HMG20A: variants seen among roughly 807,000 people sequenced by gnomAD.
The protein encoded by HMG20A is high mobility group 20A, also known as high mobility group protein 20A.
A neutral mutation model predicts 43.9 loss-of-function variants in HMG20A; 17 were observed. That is an observed-to-expected ratio of 0.39 (90% CI 0.27 to 0.58). The LOEUF is 0.58. HMG20A is among the 20% of genes least tolerant of loss of function. The pLI, the probability that HMG20A is intolerant of heterozygous loss-of-function variation, is 0.59. For missense variants in HMG20A, 341 were observed against 438.2 expected (o/e 0.78, Z 1.98); for synonymous variants, 132 against 147.5 (o/e 0.89, Z 0.76).
At chr15:77,498,954 C>A in the HMG20A span, among the ~76,000 whole-genome samples, 1 of 152,152 alleles carries the variant, frequency 6.6e-6, no homozygotes, top group Non-Finnish European at 1.5e-5. Context: ...TTCCTTCCAC[C>A]TTTATTGGCT....
intron 1 of HMG20A, among the ~76,000 whole-genome samples, chr15:77,422,689 TA>T (rs909171575): frequency 3.4e-4 from 51 of 151,226 alleles, no homozygotes; most frequent in African/African-American, 1.1e-3. Flanking sequence ...AATATTACAG[TA>T]AAAAAAAATA....
intron 6 of HMG20A, among the ~76,000 whole-genome samples, chr15:77,476,412 G>T (rs2072855759): frequency 6.8e-6 from 1 of 146,696 alleles, no homozygotes; most frequent in African/African-American, 2.5e-5. Flanking sequence ...TTGAACCTGG[G>T]AGACAGAGGT....
At chr15:77,447,378 A>G (rs1005855316) in intron 1 of HMG20A, among the ~76,000 whole-genome samples, 3 of 152,146 alleles carry the variant, frequency 2.0e-5, no homozygotes, top group African/African-American at 7.2e-5. Context: ...CTGATACAAA[A>G]TACTATTCTT....
At chr15:77,497,676 AGAGAGAGT>A in the HMG20A span, among the ~76,000 whole-genome samples, 21 of 128,944 alleles carry the variant, frequency 1.6e-4, no homozygotes, top group African/African-American at 3.0e-4. Context: ...AGAGAGAGAG[AGAGAGAGT>A]GTGTGTGTGT....
chr15:77,487,200 C>T (rs2072949932), downstream of HMG20A, among the ~76,000 whole-genome samples: 1 of 152,184 alleles, frequency 6.6e-6, no homozygotes, highest in African/African-American at 2.4e-5. Flanking sequence ...TTGGCCAGAA[C>T]TCAATCATGT....
chr15:77,443,143 C>G (rs963180334), intron 1 of HMG20A, among the ~76,000 whole-genome samples: 1 of 150,076 alleles, frequency 6.7e-6, no homozygotes, highest in Non-Finnish European at 1.5e-5. Flanking sequence ...AGCGATTCTC[C>G]TTCCTCAGCC....
chr15:77,497,210 A>G, the HMG20A span, among the ~76,000 whole-genome samples: 2 of 152,222 alleles, frequency 1.3e-5, no homozygotes, highest in Non-Finnish European at 2.9e-5. Context: ...GCCAGAAATC[A>G]TGAGGATTTA....
At position 77,478,397 on chromosome 15, in the gene HMG20A, A is replaced by G. The variant is rs754350269; in HGVS notation, c.794A>G (p.Glu265Gly). 1.6e-5 allele frequency: 26 copies of G among 1,613,464 alleles called. No individual in the cohort carries two copies. In the African/African-American group the frequency reaches 2.7e-4, roughly 17 times the overall value. ...GTGGAGAGCATGCGCACAGCAGTGG[A>G]GAAGCTGGAGGTGGATGTGATCCAG... Reference protein sequence around the residue: ...KHVESMRTAVEKLEVDVIQER... With the variant: ...KHVESMRTAVGKLEVDVIQER... The change falls in exon 8 of 10, where the codon GAG (glutamate) becomes GGG (glycine). Residue 265 changes from glutamate (E) to glycine (G), a missense_variant. Physicochemically the swap from Glu to Gly is moderately conservative, Grantham distance 98. Transcript: ENST00000336216.
intron 1 of HMG20A, among the ~76,000 whole-genome samples, chr15:77,450,229 G>A (rs746998000): frequency 4.0e-5 from 6 of 151,718 alleles, no homozygotes; most frequent in East Asian, 3.9e-4. Flanking sequence ...TCCAGGGTTC[G>A]CGCCATTCTC....
chr15:77,488,563 A>G (rs2072957239), downstream of HMG20A, among the ~76,000 whole-genome samples: 1 of 152,226 alleles, frequency 6.6e-6, no homozygotes, highest in African/African-American at 2.4e-5. Context: ...GGGGATCAGT[A>G]TCTTAACTAA....
chr15:77,448,431 T>TA (rs746712348), intron 1 of HMG20A, among the ~76,000 whole-genome samples: 1 of 152,176 alleles, frequency 6.6e-6, no homozygotes, highest in Non-Finnish European at 1.5e-5. Flanking sequence ...CATACATGCA[T>TA]AGTTCTTTCA....
chr15:77,517,707 C>T, the HMG20A span, among the ~76,000 whole-genome samples: 1 of 151,878 alleles, frequency 6.6e-6, no homozygotes, highest in Non-Finnish European at 1.5e-5. Context: ...CTGTGGGCGA[C>T]GGCATTTGAG....
chr15:77,520,017 G>A, the HMG20A span, among the ~76,000 whole-genome samples: 1 of 152,112 alleles, frequency 6.6e-6, no homozygotes, highest in Non-Finnish European at 1.5e-5. Context: ...TGGCTAACAT[G>A]GTGAAACCCC....
chr15:77,449,778 A>G (rs981841258), intron 1 of HMG20A, among the ~76,000 whole-genome samples: 3 of 152,186 alleles, frequency 2.0e-5, no homozygotes, highest in Non-Finnish European at 4.4e-5. Context: ...AGAATGCTAC[A>G]TCTGTTACAA....
chr15:77,435,020 TC>T (rs2142282694), intron 1 of HMG20A, among the ~76,000 whole-genome samples: 1 of 152,258 alleles, frequency 6.6e-6, no homozygotes, highest in South Asian at 2.1e-4. Context: ...ACATGGATGA[TC>T]ACCAAGCATA....
intron 1 of HMG20A, among the ~76,000 whole-genome samples, chr15:77,425,735 T>G (rs2073420033): frequency 6.6e-6 from 1 of 152,174 alleles, no homozygotes; most frequent in Admixed American, 6.5e-5. Context: ...ACCAAATAGA[T>G]TTTTATATCA....
intron 1 of HMG20A, among the ~76,000 whole-genome samples, chr15:77,428,234 AG>A (rs2073446305): frequency 6.6e-6 from 1 of 152,220 alleles, no homozygotes; most frequent in Admixed American, 6.5e-5. Context: ...CCTGATGATC[AG>A]GTACCTACTA....
At chr15:77,473,219 A>T (rs934808049) in intron 6 of HMG20A, among the ~76,000 whole-genome samples, 1 of 152,270 alleles carries the variant, frequency 6.6e-6, no homozygotes, top group African/African-American at 2.4e-5. Flanking sequence ...ATATAAATGT[A>T]ATTATATATG....
chr15:77,466,832 CA>C (rs2072760676), intron 3 of HMG20A, among the ~76,000 whole-genome samples: 1 of 152,126 alleles, frequency 6.6e-6, no homozygotes, highest in Admixed American at 6.6e-5. Flanking sequence ...TTGAGATTAG[CA>C]CAAAAATAGC....
Sources: allele counts gnomAD v4.1 joint callset (sites outside exome capture counted in the v4.1 genomes callset), GRCh38; gene constraint gnomAD v4.1.1; transcripts MANE v1.5; gene names NCBI Gene and HGNC (gene_info 2026-07-23, HGNC 2026-07-21).